The following RAB33A variants were observed in gnomAD, a reference collection of about 807,000 sequenced individuals.
RAB33A encodes the protein RAB33A, member RAS oncogene family.
Under a neutral mutation model 12.0 loss-of-function variants are expected in RAB33A, and 6 were observed. That is an observed-to-expected ratio of 0.50 (90% CI 0.27 to 0.99). RAB33A has a LOEUF of 0.99. RAB33A is among the 50% of genes least tolerant of loss of function. RAB33A has a pLI of 0.11. For synonymous variants in RAB33A, 70 were observed against 82.4 expected (o/e 0.85, Z 0.81); for missense variants, 109 against 192.0 (o/e 0.57, Z 2.55).
chrX:130,161,168 C>T, the RAB33A span, among the ~76,000 whole-genome samples: 7 of 110,991 alleles, frequency 6.3e-5, no homozygotes, highest in Admixed American at 2.9e-4. Flanking sequence ...GAGATCTATA[C>T]GTTCTTGAGA....
At chrX:130,158,385 G>A in the RAB33A span, among the ~76,000 whole-genome samples, 3 of 112,357 alleles carry the variant, frequency 2.7e-5, no homozygotes, top group South Asian at 7.4e-4. Flanking sequence ...GGCAGACCCC[G>A]ATCTAGAGCA....
upstream of RAB33A, among the ~76,000 whole-genome samples, chrX:130,168,027 A>G (rs927441754): frequency 1.9e-5 from 2 of 107,828 alleles, no homozygotes; most frequent in Non-Finnish European, 3.8e-5. Flanking sequence ...TTTTTTTTAA[A>G]TTAGCCAGGC....
chrX:130,183,709 A>G lies in RAB33A; in HGVS notation c.259-576A>G, dbSNP rs1301266430. On this transcript the variant is annotated intron_variant, in intron 1 of 1. Coordinates refer to ENST00000257017, the MANE Select transcript of RAB33A (RefSeq NM_004794.3). ...TGATAATATTGCCAAATTGCTCTCC[A>G]GAAAAGTTGACCAATTTACATCCAG... Among the ~76,000 whole-genome samples, 3 of 111,881 alleles carry G rather than the reference A, an allele frequency of 2.7e-5. No homozygotes were observed. In the Admixed American group the frequency reaches 2.9e-4, roughly 11 times the overall value.
chrX:130,151,979 C>T, the RAB33A span, among the ~76,000 whole-genome samples: 1 of 110,185 alleles, frequency 9.1e-6, no homozygotes, highest in South Asian at 3.9e-4. Flanking sequence ...GTGGCGGCTG[C>T]AGTGAGCCGA....
At chrX:130,166,620 C>G in the RAB33A span, among the ~76,000 whole-genome samples, 4 of 112,323 alleles carry the variant, frequency 3.6e-5, no homozygotes, top group Non-Finnish European at 3.8e-5. Context: ...ATACAATGTG[C>G]CTGTTTCAAA....
chrX:130,167,917 C>G (rs1368065670), upstream of RAB33A, among the ~76,000 whole-genome samples: 1 of 108,471 alleles, frequency 9.2e-6, no homozygotes, highest in Non-Finnish European at 1.9e-5. Context: ...GTGGCTCATG[C>G]CTGTAATGCC....
the RAB33A span, among the ~76,000 whole-genome samples, chrX:130,117,213 C>T: frequency 3.6e-5 from 4 of 111,847 alleles, no homozygotes; most frequent in African/African-American, 1.3e-4. Context: ...AAGACTCCAT[C>T]TCAAAAAAAC....
chrX:130,150,898 C>T, the RAB33A span, among the ~76,000 whole-genome samples: 1 of 92,589 alleles, frequency 1.1e-5, no homozygotes, highest in African/African-American at 4.2e-5. Context: ...TTGCTTGAAC[C>T]CAGGAGGTGG....
chrX:130,154,424 G>A, the RAB33A span, among the ~76,000 whole-genome samples: 1 of 112,160 alleles, frequency 8.9e-6, no homozygotes, highest in South Asian at 3.7e-4. Context: ...GAATGGGGTG[G>A]AACTGATGGG....
chrX:130,130,180 C>T, the RAB33A span: 1 of 1,210,814 alleles, frequency 8.3e-7, no homozygotes, highest in East Asian at 3.0e-5. Context: ...TGGCCAGCCC[C>T]CAAAACAAAT....
chrX:130,172,363 G>T, intron 1 of RAB33A, 43 bp downstream of exon 1: 1 of 1,163,017 alleles, frequency 8.6e-7, no homozygotes, highest in Non-Finnish European at 1.1e-6. Context: ...GACCCGGGAG[G>T]GGACCTCGCC....
chrX:130,160,808 C>T, the RAB33A span, among the ~76,000 whole-genome samples: 6 of 109,635 alleles, frequency 5.5e-5, no homozygotes, highest in African/African-American at 2.0e-4. Flanking sequence ...CTTGGGAGGC[C>T]GAGGTTGGTG....
chrX:130,132,742 C>CT, the RAB33A span, among the ~76,000 whole-genome samples: 1,192 of 69,773 alleles, frequency 0.017, 30 homozygotes, highest in East Asian at 0.095. Flanking sequence ...TCTGACACTC[C>CT]TTTTTTTTTT....
chrX:130,170,617 A>C (rs1379238582), upstream of RAB33A, among the ~76,000 whole-genome samples: 5 of 113,103 alleles, frequency 4.4e-5, no homozygotes, highest in Admixed American at 9.3e-5. Flanking sequence ...TGTGATGATT[A>C]GTAAGCTTTG....
At chrX:130,154,864 T>C in the RAB33A span, among the ~76,000 whole-genome samples, 2 of 112,515 alleles carry the variant, frequency 1.8e-5, no homozygotes, top group African/African-American at 3.2e-5. Context: ...CACAATATAA[T>C]TTGGTATCAT....
chrX:130,126,580 G>C, the RAB33A span, among the ~76,000 whole-genome samples: 5 of 111,645 alleles, frequency 4.5e-5, no homozygotes, highest in Admixed American at 2.9e-4. Flanking sequence ...TGGGTAAGTG[G>C]CAAGTTGTGA....
chrX:130,167,020 C>T (rs996514389), upstream of RAB33A, among the ~76,000 whole-genome samples: 10 of 111,860 alleles, frequency 8.9e-5, no homozygotes, highest in East Asian at 2.8e-3. Context: ...GGTGTAGTGC[C>T]GGACAGAGCA....
chrX:130,177,598 T>G (rs757535745), intron 1 of RAB33A, among the ~76,000 whole-genome samples: 1 of 111,821 alleles, frequency 8.9e-6, no homozygotes, highest in South Asian at 3.8e-4. Flanking sequence ...TATTAGGCAC[T>G]GGGTCACATA....
At chrX:130,156,576 G>A in the RAB33A span, 1 of 1,211,288 alleles carries the variant, frequency 8.3e-7, no homozygotes, top group Non-Finnish European at 1.1e-6. Context: ...GAGTTCTAGA[G>A]GAACATGCCA....
Sources: allele counts gnomAD v4.1 joint callset (sites outside exome capture counted in the v4.1 genomes callset), GRCh38; gene constraint gnomAD v4.1.1; transcripts MANE v1.5; gene names NCBI Gene and HGNC (gene_info 2026-07-23, HGNC 2026-07-21).